Variants in SLC2A12 observed in about 807,000 individuals in gnomAD.
The protein encoded by SLC2A12 is solute carrier family 2 member 12.
In SLC2A12, 23 loss-of-function variants were observed where a neutral mutation model predicts 41.8. The ratio of observed to expected loss-of-function variants is 0.55; its 90% confidence interval spans 0.40 to 0.78. SLC2A12 has a LOEUF of 0.78. Ranked by LOEUF, SLC2A12 falls within the 30% of genes least tolerant of loss-of-function variation. SLC2A12 has a pLI of 0.00. For missense variants in SLC2A12, 654 were observed against 745.6 expected (o/e 0.88, Z 1.43); for synonymous variants, 295 against 285.9 (o/e 1.03, Z -0.32).
chr6:134,037,758 T>C (rs535997673), intron 1 of SLC2A12, among the ~76,000 whole-genome samples: 8 of 152,324 alleles, frequency 5.3e-5, no homozygotes, highest in Middle Eastern at 6.8e-3. Flanking sequence ...GGGAGCATGT[T>C]GGGAGCAGGA....
intron 2 of SLC2A12, among the ~76,000 whole-genome samples, chr6:134,027,350 G>A (rs9389131): frequency 0.024 from 3,712 of 152,242 alleles, 132 homozygotes; most frequent in East Asian, 0.13. Flanking sequence ...CTTCAGCATA[G>A]CCTATACCTT....
At chr6:134,025,589 A>C (rs1037304961) in intron 2 of SLC2A12, among the ~76,000 whole-genome samples, 2 of 152,188 alleles carry the variant, frequency 1.3e-5, no homozygotes, top group Non-Finnish European at 2.9e-5. Flanking sequence ...ACAGGGTCTC[A>C]CTCTGTTGCC....
At chr6:134,027,931 A>C (rs1250338492) in intron 2 of SLC2A12, among the ~76,000 whole-genome samples, 6 of 152,152 alleles carry the variant, frequency 3.9e-5, no homozygotes, top group Non-Finnish European at 8.8e-5. Flanking sequence ...CTCAGCTCAT[A>C]ATGTCTTCCT....
chr6:134,039,759 C>G (rs1164101457), intron 1 of SLC2A12, among the ~76,000 whole-genome samples: 2 of 152,118 alleles, frequency 1.3e-5, no homozygotes, highest in Non-Finnish European at 2.9e-5. Flanking sequence ...TCATGGGGGC[C>G]CTTATGAATG....
In SLC2A12 at chr6:133,991,127, T is replaced by C. The variant is rs1412247279; in HGVS notation, c.*28A>G. ...GACACCCTCCTAAGTGTTCTGGCACTATCCACGTTCAGAAGGTGTTGAGGC... is the reference window on the plus strand; with the variant it reads ...GACACCCTCCTAAGTGTTCTGGCACCATCCACGTTCAGAAGGTGTTGAGGC... On this transcript the variant is annotated 3_prime_UTR_variant, in exon 5 of 5. Transcript: ENST00000275230. The C allele has an allele frequency of 4.4e-6, 7 of 1,597,466 alleles. 1 individual carries two copies. The Admixed American group carries it at 1.3e-4, about 29-fold the overall frequency.
chr6:134,022,548 G>GAAAA (rs1016453180), intron 2 of SLC2A12, among the ~76,000 whole-genome samples: 1 of 39,156 alleles, frequency 2.6e-5, no homozygotes, highest in Non-Finnish European at 4.6e-5. Context: ...GAAAAGAAAA[G>GAAAA]AAAAGAAAAG....
rs552538126 is a variant in SLC2A12 at position 134,037,646 on chromosome 6, G to T, written c.104-7925C>A. 9.2e-5 allele frequency among the ~76,000 whole-genome samples: 14 copies of T among 152,200 alleles called. No homozygotes were observed. The South Asian group carries it at 2.9e-3, about 32-fold the overall frequency. On this transcript the variant is annotated intron_variant, in intron 1 of 4. Transcript: ENST00000275230. ...ATTACAGGCATGAGCCACTACACCC[G>T]GCCAGGTTAGCTTTACTCTCCCTTC... is the stretch of plus-strand genomic sequence containing the variant.
intron 1 of SLC2A12, among the ~76,000 whole-genome samples, chr6:134,037,047 C>A (rs1463362233): frequency 6.6e-6 from 1 of 151,714 alleles, no homozygotes; most frequent in Admixed American, 6.6e-5. Context: ...TTTCCAGAAT[C>A]TTCTGTGTTC....
intron 2 of SLC2A12, among the ~76,000 whole-genome samples, chr6:134,026,219 G>A (rs1382747279): frequency 2.6e-5 from 4 of 152,116 alleles, no homozygotes; most frequent in African/African-American, 9.7e-5. Flanking sequence ...GAAAATTGAT[G>A]TACAAAGGAA....
chr6:133,994,054 G>C (rs1231963512), intron 4 of SLC2A12, among the ~76,000 whole-genome samples: 1 of 152,198 alleles, frequency 6.6e-6, no homozygotes, highest in Admixed American at 6.5e-5. Context: ...CAGTAAGTGG[G>C]TATTGCAGTA....
At chr6:134,005,227 C>T (rs1776797515) in intron 3 of SLC2A12, among the ~76,000 whole-genome samples, 4 of 152,150 alleles carry the variant, frequency 2.6e-5, no homozygotes, top group Admixed American at 2.6e-4. Context: ...ATGGAACACA[C>T]AAACAGCCAT....
intron 1 of SLC2A12, among the ~76,000 whole-genome samples, chr6:134,045,932 T>A (rs572247258): frequency 6.6e-6 from 1 of 152,340 alleles, no homozygotes; most frequent in African/African-American, 2.4e-5. Flanking sequence ...AGTACCTACA[T>A]AATTGGGCTT....
At chr6:134,014,450 T>C (rs570247068) in intron 2 of SLC2A12, among the ~76,000 whole-genome samples, 12 of 152,176 alleles carry the variant, frequency 7.9e-5, no homozygotes, top group Non-Finnish European at 1.6e-4. Flanking sequence ...AAGTTCAAAA[T>C]ACCAAGCCAA....
Position 134,016,267 on chromosome 6 carries a change from G to GA in SLC2A12, c.1445-9334dup, listed in dbSNP as rs564097970. On this transcript the variant is annotated intron_variant, in intron 2 of 4. Transcript: ENST00000275230. ...TGTCCGATAAAGATAACATCTCCTA[G>GA]AAAAAATAACAAAAGAAAAAATAAA... 2.7e-3 allele frequency among the ~76,000 whole-genome samples: 413 copies of GA among 150,998 alleles called. 1 individual carries two copies. Among genetic ancestry groups the GA allele is most frequent in the Non-Finnish European group, 5.4e-3 (366 of 67,738 alleles).
intron 1 of SLC2A12, among the ~76,000 whole-genome samples, chr6:134,030,814 C>T (rs890373753): frequency 6.6e-6 from 1 of 152,156 alleles, no homozygotes; most frequent in African/African-American, 2.4e-5. Flanking sequence ...AGGGCCTTGT[C>T]GGTCACAGTG....
At chr6:134,035,151 CAA>C (rs71003662) in intron 1 of SLC2A12, among the ~76,000 whole-genome samples, 4 of 107,908 alleles carry the variant, frequency 3.7e-5, no homozygotes, top group African/African-American at 6.6e-5. Flanking sequence ...GGCTGCCTGA[CAA>C]AAAAAAAAAA....
Position 134,006,919 on chromosome 6 carries a change from AG to A in SLC2A12, c.1459del (p.Leu487SerfsTer16), listed in dbSNP as rs1776823263. On this transcript the variant is annotated frameshift_variant, in exon 3 of 5. Transcript: ENST00000275230. LOFTEE classifies it high-confidence loss of function. ...GATCCCACCAGGAAAGATCTCGCTG[AG>A]CACCAGCCAGGGCACTAGAAGAAAG... ...IGLGPMPWLV[L>X]SEIFPGGIRG... is the part of the protein sequence containing the mutation. 6.2e-7 allele frequency: 1 copy of A among 1,614,038 alleles called. No homozygotes were observed. The highest frequency in any genetic ancestry group is 1.1e-5 in the South Asian group (1 of 91,080).
chr6:134,032,792 T>TATA (rs140895311), intron 1 of SLC2A12, among the ~76,000 whole-genome samples: 2 of 138,024 alleles, frequency 1.4e-5, no homozygotes, highest in Non-Finnish European at 3.1e-5. Context: ...TATATATATA[T>TATA]TATATATATA....
chr6:134,037,629 C>A (rs745635091), intron 1 of SLC2A12, among the ~76,000 whole-genome samples: 19 of 152,186 alleles, frequency 1.2e-4, no homozygotes, highest in Non-Finnish European at 2.5e-4. Context: ...GGATTACAGG[C>A]ATGAGCCACT....
Sources: allele counts gnomAD v4.1 joint callset (sites outside exome capture counted in the v4.1 genomes callset), GRCh38; gene constraint gnomAD v4.1.1; transcripts MANE v1.5; gene names NCBI Gene and HGNC (gene_info 2026-07-23, HGNC 2026-07-21).